The following TPD52 variants were observed in gnomAD, a reference collection of about 807,000 sequenced individuals.
TPD52 encodes tumor protein D52, also known as prostate and colon associated protein.
In TPD52, 17 loss-of-function variants were observed where a neutral mutation model predicts 31.3. That is an observed-to-expected ratio of 0.54 (90% CI 0.37 to 0.82). TPD52 has a LOEUF of 0.82. Ranked by LOEUF, TPD52 falls within the 40% of genes least tolerant of loss-of-function variation. TPD52 has a pLI of 0.00. For missense variants in TPD52, 212 were observed against 240.1 expected, an observed-to-expected ratio of 0.88 and a Z score of 0.77; for synonymous variants, 83 against 89.6, an observed-to-expected ratio of 0.93 and a Z score of 0.42.
intron 1 of TPD52, among the ~76,000 whole-genome samples, chr8:80,105,476 C>T (rs554415013): frequency 2.6e-5 from 4 of 152,234 alleles, no homozygotes; most frequent in South Asian, 2.1e-4. Context: ...CTTGCTCAAT[C>T]GATCACGACC....
chr8:80,047,115 C>G (rs1810939398), intron 5 of TPD52, among the ~76,000 whole-genome samples: 1 of 152,132 alleles, frequency 6.6e-6, no homozygotes, highest in Non-Finnish European at 1.5e-5. Context: ...TGGACAGTGC[C>G]TAGAGGGGCA....
At chr8:80,157,842 T>C (rs901245400) in intron 1 of TPD52, among the ~76,000 whole-genome samples, 1 of 152,212 alleles carries the variant, frequency 6.6e-6, no homozygotes, top group Non-Finnish European at 1.5e-5. Context: ...AATTATTGCT[T>C]ACAGACTTGA....
In TPD52 at chr8:80,035,132, A is replaced by T. The variant is rs778998001; in HGVS notation, c.*2984T>A. On this transcript the variant is annotated 3_prime_UTR_variant, in exon 8 of 8. Coordinates refer to ENST00000518937, the MANE Select transcript of TPD52 (RefSeq NM_001025253.3). The stretch of plus-strand genomic sequence containing the variant: ...GAAAATAAGGACTAATCAATGGCCA[A>T]ATGTTTCTTCACTATGGGCAAAAAT... 1 of 152,294 alleles carries T rather than the reference A, an allele frequency of 6.6e-6. No individual in the cohort carries two copies. The highest frequency in any genetic ancestry group is 1.5e-5 in the Non-Finnish European group (1 of 68,064). 9.4% of individuals were successfully genotyped at this position (152,294 alleles called of 1,614,324 possible).
chr8:80,104,862 C>T (rs778696733), intron 1 of TPD52, among the ~76,000 whole-genome samples: 3 of 151,952 alleles, frequency 2.0e-5, no homozygotes, highest in Admixed American at 6.6e-5. Flanking sequence ...GAGCTCAAGA[C>T]CAGCCTGGGC....
chr8:80,050,696 A>C (rs1463281017), intron 4 of TPD52, among the ~76,000 whole-genome samples: 1 of 152,240 alleles, frequency 6.6e-6, no homozygotes, highest in East Asian at 1.9e-4. Flanking sequence ...GACAGTCTAA[A>C]TATAATGAGC....
chr8:80,112,387 C>T (rs1046963088), intron 1 of TPD52, among the ~76,000 whole-genome samples: 3 of 152,162 alleles, frequency 2.0e-5, no homozygotes, highest in Non-Finnish European at 4.4e-5. Context: ...GATTTGAACC[C>T]AGACTGATTA....
intron 1 of TPD52, among the ~76,000 whole-genome samples, chr8:80,167,511 G>T (rs1373855799): frequency 6.6e-6 from 1 of 152,206 alleles, no homozygotes; most frequent in African/African-American, 2.4e-5. Flanking sequence ...GTGAAGAAGA[G>T]CTAACAAAGA....
At chr8:80,085,977 C>G (rs376436018) in intron 1 of TPD52, among the ~76,000 whole-genome samples, 2 of 151,996 alleles carry the variant, frequency 1.3e-5, no homozygotes, top group African/African-American at 4.8e-5. Flanking sequence ...GCAGATGGAC[C>G]GCTCTGAATA....
intron 1 of TPD52, among the ~76,000 whole-genome samples, chr8:80,161,886 C>T (rs776179406): frequency 2.0e-5 from 3 of 151,824 alleles, no homozygotes; most frequent in Non-Finnish European, 4.4e-5. Context: ...TGCACCACCA[C>T]GCCGGGCTAA....
chr8:80,053,432 T>G lies in TPD52; in HGVS notation c.136-2A>C. 1 of 1,612,832 alleles carries G rather than the reference T, an allele frequency of 6.2e-7. No individual in the cohort carries two copies. The highest frequency in any genetic ancestry group is 8.5e-7 in the Non-Finnish European group (1 of 1,179,392). ...CAGAGTCTGGATTTCTTCTTCTACC[T>G]ATGAGGAAGGGGTTTGGGGTAAGAA... On this transcript the variant is annotated splice_acceptor_variant, in intron 2 of 7. Coordinates refer to ENST00000518937, the MANE Select transcript of TPD52 (RefSeq NM_001025253.3). LOFTEE classifies it high-confidence loss of function.
chr8:80,079,036 A>G (rs74389124), intron 1 of TPD52, among the ~76,000 whole-genome samples: 2,971 of 152,248 alleles, frequency 0.02, 43 homozygotes, highest in Non-Finnish European at 0.031. Flanking sequence ...CCACAGCCCC[A>G]GCTTCTCAAA....
At chr8:80,072,065 C>T (rs1445660624) in intron 1 of TPD52, among the ~76,000 whole-genome samples, 1 of 152,200 alleles carries the variant, frequency 6.6e-6, no homozygotes, top group African/African-American at 2.4e-5. Flanking sequence ...AATCCCAGCA[C>T]TTTGGGAGAC....
At chr8:80,054,495 C>A (rs189577779) in intron 2 of TPD52, among the ~76,000 whole-genome samples, 2 of 152,170 alleles carry the variant, frequency 1.3e-5, no homozygotes, top group African/African-American at 4.8e-5. Flanking sequence ...AAATCTAGGT[C>A]CCTAAAGTAT....
At chr8:80,153,994 C>T (rs1371211520) in intron 1 of TPD52, among the ~76,000 whole-genome samples, 1 of 152,218 alleles carries the variant, frequency 6.6e-6, no homozygotes, top group Admixed American at 6.5e-5. Flanking sequence ...ATCCCCATCC[C>T]TCCCTATGCG....
chr8:80,116,777 T>TA (rs11296093), intron 1 of TPD52, among the ~76,000 whole-genome samples: 473 of 146,006 alleles, frequency 3.2e-3, no homozygotes, highest in African/African-American at 9.3e-3. Flanking sequence ...CTAGGAATGT[T>TA]AAAAAAAAAA....
intron 1 of TPD52, among the ~76,000 whole-genome samples, chr8:80,126,367 T>G (rs1382835585): frequency 1.3e-5 from 2 of 151,898 alleles, no homozygotes; most frequent in African/African-American, 4.8e-5. Context: ...TTGAGGTTTT[T>G]TTTTTTTTTG....
At chr8:80,099,518 T>C (rs996691626) in intron 1 of TPD52, among the ~76,000 whole-genome samples, 1 of 151,176 alleles carries the variant, frequency 6.6e-6, no homozygotes, top group African/African-American at 2.4e-5. Context: ...TCTTTTTTTT[T>C]TTTTTTTTTT....
chr8:80,153,992 C>T (rs969541630), intron 1 of TPD52, among the ~76,000 whole-genome samples: 3 of 152,208 alleles, frequency 2.0e-5, no homozygotes. Context: ...CCATCCCCAT[C>T]CCTCCCTATG....
intron 1 of TPD52, among the ~76,000 whole-genome samples, chr8:80,154,506 A>T (rs1477544159): frequency 6.6e-6 from 1 of 152,234 alleles, no homozygotes; most frequent in African/African-American, 2.4e-5. Context: ...ACAAAAAATC[A>T]AATGTCCTCT....
Sources: allele counts gnomAD v4.1 joint callset (sites outside exome capture counted in the v4.1 genomes callset), GRCh38; gene constraint gnomAD v4.1.1; transcripts MANE v1.5; gene names NCBI Gene and HGNC (gene_info 2026-07-23, HGNC 2026-07-21).